BICRA: variants seen among roughly 807,000 people sequenced by gnomAD.
BICRA encodes the protein BRD4 interacting chromatin remodeling complex associated protein, also known as BRD4-interacting chromatin-remodeling complex-associated protein.
A neutral mutation model predicts 96.9 loss-of-function variants in BICRA; 31 were observed. The ratio of observed to expected loss-of-function variants is 0.32; its 90% CI spans 0.24 to 0.43. The LOEUF is 0.43. BICRA is among the 20% of genes least tolerant of loss of function. The pLI is 1.00. For synonymous variants in BICRA, 1,350 were observed against 1,071.8 expected (o/e 1.26, Z -5.07); for missense variants, 2,283 against 2,190.3 (o/e 1.04, Z -0.84).
chr19:47,665,950 C>A (rs1972772417), intron 1 of BICRA, among the ~76,000 whole-genome samples: 1 of 152,268 alleles, frequency 6.6e-6, no homozygotes, highest in African/African-American at 2.4e-5. Flanking sequence ...TCCAGCCTCA[C>A]TGGGCTGTGG....
chr19:47,626,376 A>G (rs1025341614), intron 1 of BICRA: 5 of 152,370 alleles, frequency 3.3e-5, no homozygotes, highest in African/African-American at 4.8e-5. Flanking sequence ...TGCTTCCTGG[A>G]TGGAGCCTGT....
At chr19:47,614,687 A>C (rs578183978) in intron 1 of BICRA, among the ~76,000 whole-genome samples, 1 of 152,280 alleles carries the variant, frequency 6.6e-6, no homozygotes, top group African/African-American at 2.4e-5. Flanking sequence ...TGGTCTATGC[A>C]TTGCTTTTTT....
intron 2 of BICRA, among the ~76,000 whole-genome samples, chr19:47,670,986 A>G (rs1972854159): frequency 6.6e-6 from 1 of 152,184 alleles, no homozygotes. Flanking sequence ...CCCCACAGCC[A>G]GCCCCTGAGA....
At chr19:47,622,019 T>C (rs1248409685) in intron 1 of BICRA, among the ~76,000 whole-genome samples, 5 of 151,344 alleles carry the variant, frequency 3.3e-5, no homozygotes, top group African/African-American at 1.2e-4. Flanking sequence ...TAAGCTGGAG[T>C]GCAGTGGTGC....
intron 1 of BICRA, among the ~76,000 whole-genome samples, chr19:47,657,006 T>C (rs1972628428): frequency 6.6e-6 from 1 of 151,804 alleles, no homozygotes; most frequent in Admixed American, 6.6e-5. Flanking sequence ...GGACTACAGG[T>C]GCCCACCACC....
Position 47,675,955 on chromosome 19 carries a change from G to A in BICRA, c.150+39G>A, listed in dbSNP as rs757657888. On this transcript the variant is annotated intron_variant, in intron 5 of 14. Coordinates refer to ENST00000594866, the MANE Select transcript of BICRA (RefSeq NM_001394372.1). This position sits in a 1 kb window ranked among gnomAD's most constrained non-coding sequence, Gnocchi z 4.7. Reference sequence around the variant, plus strand: ...CTCCCGATCATTGCCTGAGCTGTTGGGGCTGCCAGCGGGAGGAGGGCCCTG... The same window carrying A: ...CTCCCGATCATTGCCTGAGCTGTTGAGGCTGCCAGCGGGAGGAGGGCCCTG... 2 of 1,478,838 alleles carry A rather than the reference G, an allele frequency of 1.4e-6. No homozygotes were observed. Among genetic ancestry groups the A allele is most frequent in the Non-Finnish European group, 1.9e-6 (2 of 1,071,902 alleles). 91.6% of individuals were successfully genotyped at this position (1,478,838 alleles called of 1,614,324 possible).
chr19:47,701,638 C>G lies in BICRA; in HGVS notation c.3906C>G (p.Ala1302=). 2 of 1,589,154 alleles carry G rather than the reference C, an allele frequency of 1.3e-6. No individual in the cohort carries two copies. The highest frequency in any genetic ancestry group is 1.7e-4 in the Middle Eastern group (1 of 6,032). ...RNRPPIKTYE[A]RSRIGLKLKI... ...GCCCGCCCATCAAGACCTACGAGGC[C>G]CGGAGCCGCATCGGGCTCAAGCTCA... Residue 1302 remains alanine (A), a synonymous_variant, in exon 15 of 15, where the codon GCC becomes GCG. Transcript: ENST00000594866. This position sits in a 1 kb window ranked among gnomAD's most constrained non-coding sequence, Gnocchi z 5.4.
At position 47,699,402 on chromosome 19, in the gene BICRA, C is replaced by A; in HGVS notation, c.3592C>A (p.Pro1198Thr). The part of the protein sequence containing the change: ...ALDKQLAKEK[P>T]DEYVSSSRSL... ...GGATAAACAGCTGGCCAAGGAGAAG[C>A]CGGGTGAGAGGGGGGAGTGAGAGGG... Residue 1198 changes from proline (P) to threonine (T), a missense_variant, in exon 14 of 15, where the codon CCG becomes ACG. Coordinates refer to ENST00000594866, the MANE Select transcript of BICRA (RefSeq NM_001394372.1). This position sits in a 1 kb window ranked among gnomAD's most constrained non-coding sequence, Gnocchi z 5.0. 1 of 1,540,888 alleles carries A rather than the reference C, an allele frequency of 6.5e-7. No individual in the cohort carries two copies. The highest frequency in any genetic ancestry group is 8.8e-7 in the Non-Finnish European group (1 of 1,135,156).
At chr19:47,684,374 G>T (rs1461549084) in intron 7 of BICRA, among the ~76,000 whole-genome samples, 1 of 152,118 alleles carries the variant, frequency 6.6e-6, no homozygotes, top group Non-Finnish European at 1.5e-5. Flanking sequence ...TAGAGATAGT[G>T]TATCACCATG....
rs183402485 is a variant in BICRA, at chr19:47,682,145, C to T, written c.2276C>T (p.Ala759Val). The T allele has an allele frequency of 1.1e-4, 165 of 1,443,774 alleles. No individual in the cohort carries two copies. The highest frequency in any genetic ancestry group is 3.2e-5 in the Non-Finnish European group (34 of 1,063,378). 89.4% of individuals were successfully genotyped at this position (1,443,774 alleles called of 1,614,324 possible). Residue 759 changes from alanine to valine, a missense_variant, in exon 7 of 15, where the codon GCC becomes GTC. Coordinates refer to ENST00000594866, the MANE Select transcript of BICRA (RefSeq NM_001394372.1). ...APDSQASPAPAPQIPAAAPLK... is the reference protein window; with the variant it reads ...APDSQASPAPVPQIPAAAPLK... ...GACAGCCAGGCTTCCCCGGCTCCGG[C>T]CCCCCAGGTAGAGGGACCCCAGCAG...
At chr19:47,654,939 T>C (rs1394059461) in intron 1 of BICRA, among the ~76,000 whole-genome samples, 1 of 152,102 alleles carries the variant, frequency 6.6e-6, no homozygotes, top group Non-Finnish European at 1.5e-5. Flanking sequence ...GTGGGTATTG[T>C]CATGTGCAGG....
chr19:47,635,249 A>ATT (rs373765609), intron 1 of BICRA, among the ~76,000 whole-genome samples: 1,692 of 137,220 alleles, frequency 0.012, 30 homozygotes, highest in East Asian at 0.061. Context: ...CATTTCTAGG[A>ATT]TTTTTTTTTT....
Position 47,699,140 on chromosome 19 carries a change from G to A in BICRA, c.3492+81G>A. 1 of 1,091,474 alleles carries A rather than the reference G, an allele frequency of 9.2e-7. No homozygotes were observed. The highest frequency in any genetic ancestry group is 1.4e-6 in the Non-Finnish European group (1 of 732,682). The allele number at this position is 1,091,474 out of a possible 1,614,324, so 67.6% of individuals were successfully genotyped here. Reference sequence around the variant, plus strand: ...CCTTTCCCTCACCCGCTCTGGGCAAGGTGGAGCCTCCCGCCCCTCCTAGCC... The same window carrying A: ...CCTTTCCCTCACCCGCTCTGGGCAAAGTGGAGCCTCCCGCCCCTCCTAGCC... On this transcript the variant is annotated intron_variant, in intron 13 of 14. Transcript: ENST00000594866. The surrounding 1 kb of genome is among the most constrained non-coding windows in gnomAD (Gnocchi z 5.0).
intron 1 of BICRA, among the ~76,000 whole-genome samples, chr19:47,624,333 AC>A (rs1972108839): frequency 1.3e-5 from 2 of 152,122 alleles, no homozygotes; most frequent in African/African-American, 4.8e-5. Flanking sequence ...CTACAAGCAT[AC>A]CCCAGAGAGC....
At chr19:47,628,949 CT>C (rs932721783) in intron 1 of BICRA, among the ~76,000 whole-genome samples, 6 of 151,766 alleles carry the variant, frequency 4.0e-5, no homozygotes, top group Non-Finnish European at 7.4e-5. Flanking sequence ...GTTAAATGTA[CT>C]TTTATTATGT....
chr19:47,637,056 T>C (rs1404632637), intron 1 of BICRA, among the ~76,000 whole-genome samples: 1 of 152,232 alleles, frequency 6.6e-6, no homozygotes, highest in African/African-American at 2.4e-5. Flanking sequence ...CTCTCACTGC[T>C]TATTCTTCAT....
rs1973225725 is a variant in BICRA at position 47,690,541 on chromosome 19, A to G, written c.2284-3574A>G. Among the ~76,000 whole-genome samples the G allele has an allele frequency of 2.0e-5, 3 of 152,132 alleles. No individual in the cohort carries two copies. The South Asian group carries it at 6.2e-4, about 32-fold the overall frequency. On this transcript the variant is annotated intron_variant, in intron 7 of 14. Coordinates refer to ENST00000594866, the MANE Select transcript of BICRA (RefSeq NM_001394372.1). ...GGTAAATGGTACCCTAGGGTGAAAA[A>G]TAGTGCCCTGGGGTGCGTTTTGCTG...
At chr19:47,618,859 G>A (rs1391399853) in intron 1 of BICRA, among the ~76,000 whole-genome samples, 1 of 152,230 alleles carries the variant, frequency 6.6e-6, no homozygotes, top group Admixed American at 6.5e-5. Context: ...ACACCTGCAG[G>A]TGAAGCTCCC....
chr19:47,636,384 T>G (rs1480587027), intron 1 of BICRA, among the ~76,000 whole-genome samples: 1 of 152,064 alleles, frequency 6.6e-6, no homozygotes, highest in Non-Finnish European at 1.5e-5. Flanking sequence ...TCTTTAAAAT[T>G]TTTCTGTAGA....
Sources: gnomAD v4.1 joint callset for allele counts (sites outside exome capture counted in the v4.1 genomes callset) on GRCh38, gnomAD v4.1.1 for gene constraint, Gnocchi (gnomAD v3.1) non-coding constraint, MANE v1.5 for transcripts, NCBI Gene and HGNC (gene_info 2026-07-23, HGNC 2026-07-21) for gene names.